UBR2: variants seen among roughly 807,000 people sequenced by gnomAD.
The protein encoded by UBR2 is E3 ubiquitin-protein ligase UBR2.
A neutral mutation model predicts 247.9 loss-of-function variants in UBR2; 92 were observed. That is an observed-to-expected ratio of 0.37 (90% CI 0.31 to 0.44). The LOEUF (loss-of-function observed/expected upper bound fraction) is 0.44. Among genes scored for constraint, UBR2 ranks in the 20% least tolerant of loss-of-function variants. The pLI, the probability that UBR2 is intolerant of heterozygous loss-of-function variation, is 1.00. For synonymous variants in UBR2, 672 were observed against 693.5 expected, an observed-to-expected ratio of 0.97 and a Z score of 0.49; for missense variants, 1,613 against 2,112.6, an observed-to-expected ratio of 0.76 and a Z score of 4.64.
chr6:42,662,403 G>A, intron 31 of UBR2, 126 bp downstream of exon 31: 1 of 608,350 alleles, frequency 1.6e-6, no homozygotes, highest in East Asian at 2.9e-5. Context: ...CCGTATCATT[G>A]CCTAATAAAT....
chr6:42,619,437 ATATATATATATATATATT>A lies in UBR2; in HGVS notation c.1281+1932_1281+1949del, dbSNP rs1236603566. 87 of 21,218 alleles carry A rather than the reference ATATATATATATATATATT, an allele frequency of 4.1e-3. 7 individuals carry two copies. Among genetic ancestry groups the A allele is most frequent in the South Asian group, 0.026 (17 of 642 alleles). 1.3% of individuals were successfully genotyped at this position (21,218 alleles called of 1,614,324 possible). A position where few individuals can be genotyped will look rare whatever the true frequency, so the allele number is the denominator to read the frequency against. On this transcript the variant is annotated intron_variant, in intron 11 of 46. Transcript: ENST00000372901. ...CATATATATATATATATATATATAT[ATATATATATATATATATT>A]TTTTTTTTTTAGTTCTCTATCTCTG...
At chr6:42,603,790 G>T (rs893146444) in intron 5 of UBR2, 72 bp downstream of exon 5, 3 of 1,419,358 alleles carry the variant, frequency 2.1e-6, no homozygotes, top group Middle Eastern at 2.0e-4. Flanking sequence ...CTAGTATAGG[G>T]CATAATCATT....
intron 13 of UBR2, 54 bp downstream of exon 13, chr6:42,632,958 C>CTTTTTTTTTTTTTTTTTTTTTTTTT (rs34284200): frequency 2.0e-5 from 13 of 647,128 alleles, no homozygotes; most frequent in Admixed American, 5.1e-5. Context: ...TCTCTTTTCT[C>CTTTTTTTTTTTTTTTTTTTTTTTTT]TTTTTTTTTT....
rs1348642298 is a variant in UBR2 at position 42,662,266 on chromosome 6, T to C, written c.3525T>C (p.His1175=). The C allele has an allele frequency of 6.2e-7, 1 of 1,600,026 alleles. No individual in the cohort carries two copies. Among genetic ancestry groups the C allele is most frequent in the Non-Finnish European group, 8.5e-7 (1 of 1,170,688 alleles). The change falls in exon 31 of 47, where the codon CAT becomes CAC. Residue 1175 remains histidine (H), a synonymous_variant. Transcript: ENST00000372901. ...GCTGTGGGCACATTATGCATGCCCA[T>C]TGTTGGCAAAGGTAATGTATATTCT... The part of the protein sequence containing the change: ...TSSCGHIMHA[H]CWQRYFDSVQ...
chr6:42,670,564 T>G, intron 35 of UBR2, 96 bp from the exon 36 acceptor site: 2 of 844,424 alleles, frequency 2.4e-6, no homozygotes, highest in South Asian at 2.1e-5. Context: ...ATATTGTACT[T>G]TCTGTAGGAT....
rs35743763 is a variant in UBR2 at position 42,611,914 on chromosome 6, GA to G, written c.865-241del. On this transcript the variant is annotated intron_variant, in intron 7 of 46. Coordinates refer to ENST00000372901, the MANE Select transcript of UBR2 (RefSeq NM_001363705.2). ...AGAGCGAGACTCCACCTCAAAAAAA[GA>G]AAAAAAAAAAAAAAAGATTCAGATT... Among the ~76,000 whole-genome samples the G allele has an allele frequency of 6.0e-3, 713 of 119,456 alleles. 1 individual carries two copies. The highest frequency in any genetic ancestry group is 0.018 in the African/African-American group (582 of 33,084). The allele number at this position is 119,456 out of a possible 152,430, so 78.4% of individuals were successfully genotyped here.
intron 2 of UBR2, among the ~76,000 whole-genome samples, chr6:42,585,829 A>C (rs566627410): frequency 5.3e-5 from 8 of 152,246 alleles, no homozygotes; most frequent in African/African-American, 1.4e-4. Context: ...AATTTTGTCA[A>C]ATAATAAGTT....
chr6:42,681,935 G>A (rs565807964), intron 42 of UBR2, among the ~76,000 whole-genome samples: 1 of 152,296 alleles, frequency 6.6e-6, no homozygotes, highest in East Asian at 1.9e-4. Flanking sequence ...TAGGCCAGGT[G>A]TGGTGGTGCA....
chr6:42,611,089 G>A (rs1343183534), intron 7 of UBR2, among the ~76,000 whole-genome samples: 9 of 148,550 alleles, frequency 6.1e-5, no homozygotes, highest in Admixed American at 1.3e-4. Context: ...CAGGTGATCC[G>A]CCTGCCTCAG....
rs1668626775 is a variant in UBR2, at chr6:42,568,172, G to A, written c.78+3775G>A. ...TTTATTGAGATATAACTCACATACT[G>A]TACAGTTAAATTCAGTGGTTTTTAG... On this transcript the variant is annotated intron_variant, in intron 1 of 46. Coordinates refer to ENST00000372901, the MANE Select transcript of UBR2 (RefSeq NM_001363705.2). 3.3e-5 allele frequency among the ~76,000 whole-genome samples: 5 copies of A among 152,172 alleles called. No homozygotes were observed. The South Asian group carries it at 8.3e-4, about 25-fold the overall frequency.
intron 4 of UBR2, among the ~76,000 whole-genome samples, chr6:42,600,417 A>G (rs1793284266): frequency 6.6e-6 from 1 of 152,182 alleles, no homozygotes; most frequent in African/African-American, 2.4e-5. Flanking sequence ...GATTTATGCT[A>G]TGAAAAGGGC....
At position 42,573,813 on chromosome 6, in the gene UBR2, G is replaced by A; in HGVS notation, c.158G>A (p.Gly53Asp). ...AHYVPKIYCR[G>D]PNPFPQKEDM... Reference sequence around the variant, plus strand: ...TATGTACCCAAAATCTACTGCAGGGGTCCCAACCCTTTTCCACAGAAAGAA... The same window carrying A: ...TATGTACCCAAAATCTACTGCAGGGATCCCAACCCTTTTCCACAGAAAGAA... The change falls in exon 2 of 47, where the codon GGT becomes GAT. Residue 53 changes from glycine (G) to aspartate (D), a missense_variant. By Grantham distance (94) the Gly-to-Asp change is moderately conservative. Around this residue, in one of 3 missense-constraint regions of UBR2, gnomAD observed 1,524 missense variants for 1,967.3 expected, o/e 0.77. Transcript: ENST00000372901. 1 of 1,613,760 alleles carries A rather than the reference G, an allele frequency of 6.2e-7. No individual in the cohort carries two copies. The highest frequency in any genetic ancestry group is 8.5e-7 in the Non-Finnish European group (1 of 1,179,854).
At position 42,640,255 on chromosome 6, in the gene UBR2, A is replaced by C; in HGVS notation, c.1905A>C (p.Pro635=). The change falls in exon 16 of 47, where the codon CCA becomes CCC. Residue 635 remains proline, a synonymous_variant. Coordinates refer to ENST00000372901, the MANE Select transcript of UBR2 (RefSeq NM_001363705.2). ...AAAGTGAAGTGGCATATAAATTTCC[A>C]GAGCTCCTACCTCTAGTAAGTGGTG... ...LSKSEVAYKF[P]ELLPLSELSP... The C allele has an allele frequency of 1.9e-6, 3 of 1,608,282 alleles. No homozygotes were observed. The highest frequency in any genetic ancestry group is 1.3e-5 in the African/African-American group (1 of 74,672).
At chr6:42,566,958 CTG>C (rs1313306954) in intron 1 of UBR2, among the ~76,000 whole-genome samples, 8 of 152,304 alleles carry the variant, frequency 5.3e-5, no homozygotes, top group Admixed American at 1.3e-4. Context: ...ACATTTAAAA[CTG>C]TTTTTTTCAG....
chr6:42,641,674 G>T lies in UBR2; in HGVS notation c.2013G>T (p.Gly671=), dbSNP rs1001058430. ...ATGCCGGAATGTGGAGAAGAAATGG[G>T]TTCTCTCTAGTAAACCAGGTAAGTG... is the stretch of plus-strand genomic sequence containing the variant. ...QVHAGMWRRN[G]FSLVNQIYYY... The change falls in exon 17 of 47, where the codon GGG becomes GGT. Residue 671 remains glycine, a synonymous_variant. Transcript: ENST00000372901. The T allele has an allele frequency of 6.2e-7, 1 of 1,609,446 alleles. No individual in the cohort carries two copies. The highest frequency in any genetic ancestry group is 1.3e-5 in the African/African-American group (1 of 74,446).
At chr6:42,637,699 C>A (rs185949887) in intron 15 of UBR2, among the ~76,000 whole-genome samples, 1 of 152,144 alleles carries the variant, frequency 6.6e-6, no homozygotes, top group Non-Finnish European at 1.5e-5. Flanking sequence ...AGGTCAAGAA[C>A]AAGGACATAA....
At chr6:42,638,152 T>G (rs1796219450) in intron 15 of UBR2, among the ~76,000 whole-genome samples, 1 of 152,228 alleles carries the variant, frequency 6.6e-6, no homozygotes, top group African/African-American at 2.4e-5. Context: ...TGGAAGGTTA[T>G]TAATAATTGA....
chr6:42,617,215 G>A lies in UBR2; in HGVS notation c.1183-194G>A, dbSNP rs1172165048. The stretch of plus-strand genomic sequence containing the variant: ...AAACATTTGGTCATTGTGGATTAGA[G>A]GTGAATCTCCCCCTTGTTGTTTAGA... On this transcript the variant is annotated intron_variant, in intron 10 of 46. Transcript: ENST00000372901. 4 of 1,606,692 alleles carry A rather than the reference G, an allele frequency of 2.5e-6. No homozygotes were observed. In the Admixed American group the frequency reaches 5.0e-5, roughly 20 times the overall value.
At chr6:42,644,082 T>C (rs1796599560) in intron 18 of UBR2, 132 bp from the exon 19 acceptor site, 2 of 859,550 alleles carry the variant, frequency 2.3e-6, no homozygotes, top group South Asian at 3.7e-5. Context: ...TTTATTGGGA[T>C]TGGTGAACCT....
Sources: gnomAD v4.1 joint callset for allele counts (sites outside exome capture counted in the v4.1 genomes callset) on GRCh38, gnomAD v4.1.1 for gene constraint, gnomAD v4.1.1 regional missense constraint, MANE v1.5 for transcripts, NCBI Gene and HGNC (gene_info 2026-07-23, HGNC 2026-07-21) for gene names.